The following PXDNL variants were observed in gnomAD, a reference collection of about 807,000 sequenced individuals.
PXDNL encodes probable oxidoreductase PXDNL.
Under a neutral mutation model 150.8 loss-of-function variants are expected in PXDNL, and 145 were observed. The ratio of observed to expected loss-of-function variants is 0.96; its 90% CI spans 0.84 to 1.10. The LOEUF (loss-of-function observed/expected upper bound fraction) is 1.10, where lower values mean the gene tolerates loss of function less well. Ranked by LOEUF, PXDNL falls within the 50% of genes least tolerant of loss-of-function variation. The pLI is 0.00. For missense variants in PXDNL, 2,087 were observed against 1,873.9 expected (o/e 1.11, Z -2.10); for synonymous variants, 757 against 725.7 (o/e 1.04, Z -0.69).
Position 51,456,755 on chromosome 8 carries a change from G to A in PXDNL, c.982+743C>T, listed in dbSNP as rs1053184609. ...ACTCCACATTCAGTGATATCATTTC[G>A]GTAACTAGGAATTGGCCATGGTGAG... On this transcript the variant is annotated intron_variant, in intron 9 of 22. Coordinates refer to ENST00000356297, the MANE Select transcript of PXDNL (RefSeq NM_144651.5). Among the ~76,000 whole-genome samples the A allele has an allele frequency of 3.4e-4, 52 of 152,166 alleles. 1 individual carries two copies. The highest frequency in any genetic ancestry group is 2.7e-3 in the Admixed American group (41 of 15,284).
chr8:51,344,862 A>G (rs1275819075), intron 20 of PXDNL, among the ~76,000 whole-genome samples: 1 of 152,186 alleles, frequency 6.6e-6, no homozygotes, highest in Non-Finnish European at 1.5e-5. Flanking sequence ...ATTTTATATA[A>G]CATGCATAGT....
intron 17 of PXDNL, among the ~76,000 whole-genome samples, chr8:51,395,828 C>T (rs941723486): frequency 3.3e-5 from 5 of 152,166 alleles, no homozygotes; most frequent in African/African-American, 1.2e-4. Flanking sequence ...TCTATTACTG[C>T]CTAATGAGAC....
At chr8:51,632,298 T>A (rs1372507526) in intron 2 of PXDNL, among the ~76,000 whole-genome samples, 1 of 152,142 alleles carries the variant, frequency 6.6e-6, no homozygotes, top group Non-Finnish European at 1.5e-5. Context: ...TCTAACAGGC[T>A]ATATTATTTA....
intron 17 of PXDNL, among the ~76,000 whole-genome samples, chr8:51,401,442 G>A (rs1457301905): frequency 1.3e-5 from 2 of 152,264 alleles, no homozygotes; most frequent in African/African-American, 2.4e-5. Flanking sequence ...AAGACAAGAC[G>A]CTGGTCCTCC....
At chr8:51,594,821 A>G (rs898775337) in intron 2 of PXDNL, among the ~76,000 whole-genome samples, 1 of 152,180 alleles carries the variant, frequency 6.6e-6, no homozygotes, top group African/African-American at 2.4e-5. Context: ...AGAAACGGTC[A>G]TTTATGTTAT....
chr8:51,380,988 A>G (rs1223986875), intron 17 of PXDNL, among the ~76,000 whole-genome samples: 3 of 152,154 alleles, frequency 2.0e-5, no homozygotes, highest in Non-Finnish European at 2.9e-5. Flanking sequence ...TATTATGATC[A>G]TGTTATATAT....
intron 4 of PXDNL, among the ~76,000 whole-genome samples, chr8:51,510,706 A>G (rs1811395569): frequency 6.6e-6 from 1 of 152,106 alleles, no homozygotes; most frequent in African/African-American, 2.4e-5. Context: ...GGAATTTAAG[A>G]TTCCTGGGGC....
intron 1 of PXDNL, among the ~76,000 whole-genome samples, chr8:51,662,507 T>A (rs921821555): frequency 6.6e-6 from 1 of 152,058 alleles, no homozygotes; most frequent in Non-Finnish European, 1.5e-5. Flanking sequence ...TGAGACTCCA[T>A]CTCAAAAAAT....
At chr8:51,396,313 G>A (rs1206792537) in intron 17 of PXDNL, among the ~76,000 whole-genome samples, 1 of 152,220 alleles carries the variant, frequency 6.6e-6, no homozygotes, top group Non-Finnish European at 1.5e-5. Context: ...ATGTGCTGCT[G>A]GATGGGGTAG....
intron 5 of PXDNL, among the ~76,000 whole-genome samples, chr8:51,496,683 C>A (rs1018922881): frequency 3.3e-5 from 5 of 152,126 alleles, no homozygotes; most frequent in Admixed American, 2.6e-4. Context: ...AAATCCCATT[C>A]ACAATTGCTT....
chr8:51,499,619 A>T, intron 5 of PXDNL, 80 bp downstream of exon 5: 1 of 1,050,158 alleles, frequency 9.5e-7, no homozygotes, highest in Non-Finnish European at 1.5e-6. Context: ...AAGTGGCCTG[A>T]TCTCCACGGC....
rs2130815696 is a variant in PXDNL, at chr8:51,382,888, T to C, written c.3558-8157A>G. Among the ~76,000 whole-genome samples, 2 of 152,360 alleles carry C rather than the reference T, an allele frequency of 1.3e-5. 1 individual carries two copies. Among genetic ancestry groups the C allele is most frequent in the South Asian group, 4.1e-4 (2 of 4,834 alleles). On this transcript the variant is annotated intron_variant, in intron 17 of 22. Coordinates refer to ENST00000356297, the MANE Select transcript of PXDNL (RefSeq NM_144651.5). ...TGAACTTTCCCAGAGAGTATAATCC[T>C]GGCTTTGTTAATTTCAGTTCTTCAT... is the stretch of plus-strand genomic sequence containing the variant.
intron 1 of PXDNL, among the ~76,000 whole-genome samples, chr8:51,698,648 A>G (rs928019917): frequency 1.1e-4 from 16 of 152,318 alleles, no homozygotes; most frequent in African/African-American, 3.8e-4. Flanking sequence ...CTCATGGATC[A>G]CGCCTGTTCT....
chr8:51,484,616 C>T (rs1810687513), intron 5 of PXDNL, among the ~76,000 whole-genome samples: 1 of 152,132 alleles, frequency 6.6e-6, no homozygotes, highest in Non-Finnish European at 1.5e-5. Context: ...GGTTACTGCT[C>T]AGCCAGCCAT....
At chr8:51,595,302 T>A (rs764971567) in intron 2 of PXDNL, among the ~76,000 whole-genome samples, 1 of 152,074 alleles carries the variant, frequency 6.6e-6, no homozygotes, top group Non-Finnish European at 1.5e-5. Flanking sequence ...AATATTTTAT[T>A]AAAAACCAAT....
chr8:51,652,462 A>ACAC (rs1563496494), intron 2 of PXDNL, among the ~76,000 whole-genome samples: 2 of 131,102 alleles, frequency 1.5e-5, no homozygotes, highest in Admixed American at 7.3e-5. Flanking sequence ...CACACACACA[A>ACAC]ACACACACAC....
intron 1 of PXDNL, among the ~76,000 whole-genome samples, chr8:51,730,965 G>A (rs552870552): frequency 6.6e-6 from 1 of 152,256 alleles, no homozygotes; most frequent in African/African-American, 2.4e-5. Flanking sequence ...AATTATGAGA[G>A]CTACAATTCA....
At chr8:51,362,971 G>C (rs745734273) in intron 19 of PXDNL, among the ~76,000 whole-genome samples, 1 of 152,160 alleles carries the variant, frequency 6.6e-6, no homozygotes, top group African/African-American at 2.4e-5. Context: ...TTACGGTTTG[G>C]TTTTGAGAGT....
At chr8:51,604,911 A>C (rs144610557) in intron 2 of PXDNL, among the ~76,000 whole-genome samples, 1 of 152,362 alleles carries the variant, frequency 6.6e-6, no homozygotes, top group East Asian at 1.9e-4. Flanking sequence ...TAGTAGAACT[A>C]TAATGCTACC....
Sources: allele counts gnomAD v4.1 joint callset (sites outside exome capture counted in the v4.1 genomes callset), GRCh38; gene constraint gnomAD v4.1.1; transcripts MANE v1.5; gene names NCBI Gene and HGNC (gene_info 2026-07-23, HGNC 2026-07-21).